The following FILIP1L variants were observed in gnomAD, a reference collection of about 807,000 sequenced individuals.
FILIP1L encodes the protein filamin A interacting protein 1 like.
Under a neutral mutation model 96.6 loss-of-function variants are expected in FILIP1L, and 55 were observed. That is an observed-to-expected ratio of 0.57 (90% CI 0.46 to 0.71). The LOEUF (loss-of-function observed/expected upper bound fraction) is 0.71, where lower values mean the gene tolerates loss of function less well. Among genes scored for constraint, FILIP1L ranks in the 30% least tolerant of loss-of-function variants. The pLI is 0.00. For missense variants in FILIP1L, 1,304 were observed against 1,321.2 expected (o/e 0.99, Z 0.20); for synonymous variants, 467 against 473.9 (o/e 0.99, Z 0.19).
At chr3:99,897,143 G>A (rs1706281397) in intron 4 of FILIP1L, among the ~76,000 whole-genome samples, 1 of 152,112 alleles carries the variant, frequency 6.6e-6, no homozygotes, top group African/African-American at 2.4e-5. Context: ...CAGATCACTT[G>A]AGGCCAGAAG....
At chr3:99,830,685 G>C (rs917783240) in intron 5 of FILIP1L, 80 bp from the exon 6 acceptor site, 16 of 424,752 alleles carry the variant, frequency 3.8e-5, no homozygotes, top group Non-Finnish European at 6.7e-5. Context: ...CATGGAGTCA[G>C]TTTGGAGGAT....
At chr3:99,870,778 A>T (rs1278667428) in intron 4 of FILIP1L, among the ~76,000 whole-genome samples, 1 of 152,232 alleles carries the variant, frequency 6.6e-6, no homozygotes, top group Non-Finnish European at 1.5e-5. Context: ...TTACCCACAG[A>T]AACTTTGGAA....
At chr3:99,940,642 C>G (rs1171108038) in intron 1 of FILIP1L, among the ~76,000 whole-genome samples, 1 of 152,214 alleles carries the variant, frequency 6.6e-6, no homozygotes, top group African/African-American at 2.4e-5. Context: ...TCCTCCAGCT[C>G]TAGGAAGATG....
chr3:100,057,554 C>T (rs911134352), intron 1 of FILIP1L, among the ~76,000 whole-genome samples: 1 of 152,198 alleles, frequency 6.6e-6, no homozygotes, highest in Non-Finnish European at 1.5e-5. Flanking sequence ...CGTGATATGT[C>T]TCTGTAAAAG....
At chr3:99,867,125 A>G (rs1944558440) in intron 4 of FILIP1L, among the ~76,000 whole-genome samples, 1 of 152,224 alleles carries the variant, frequency 6.6e-6, no homozygotes, top group African/African-American at 2.4e-5. Flanking sequence ...AGCAAGGAGT[A>G]ATTCCATCAA....
chr3:99,887,288 G>A (rs1705932936), intron 4 of FILIP1L, among the ~76,000 whole-genome samples: 1 of 152,096 alleles, frequency 6.6e-6, no homozygotes, highest in African/African-American at 2.4e-5. Context: ...AAAGTATCAG[G>A]CTTAGAAATA....
At chr3:99,951,030 G>T (rs1380694656) in intron 1 of FILIP1L, among the ~76,000 whole-genome samples, 1 of 152,166 alleles carries the variant, frequency 6.6e-6, no homozygotes, top group African/African-American at 2.4e-5. Flanking sequence ...TTCACCTCAT[G>T]CCCCTCCCTT....
At chr3:99,930,739 C>T in intron 2 of FILIP1L, 30 bp downstream of exon 2, 1 of 1,607,442 alleles carries the variant, frequency 6.2e-7, no homozygotes, top group Non-Finnish European at 8.5e-7. Context: ...CTGTTTGAAG[C>T]ATGATGGGGA....
intron 5 of FILIP1L, 119 bp downstream of exon 5, chr3:99,848,176 A>G (rs1943453386): frequency 3.3e-6 from 5 of 1,537,506 alleles, no homozygotes; most frequent in Non-Finnish European, 4.4e-6. Flanking sequence ...TTCCCAAAGT[A>G]CGAGTTCAGT....
intron 5 of FILIP1L, among the ~76,000 whole-genome samples, chr3:99,830,962 A>C (rs1942651562): frequency 6.6e-6 from 1 of 152,226 alleles, no homozygotes; most frequent in African/African-American, 2.4e-5. Flanking sequence ...TGTCTTTAAG[A>C]GTGCTTCATG....
chr3:99,925,721 A>C (rs577770133), intron 3 of FILIP1L: 22 of 251,160 alleles, frequency 8.8e-5, no homozygotes, highest in African/African-American at 4.8e-4. Flanking sequence ...CAAGGACATG[A>C]GGAGCTCTTG....
chr3:99,974,445 C>T (rs1354684288), intron 1 of FILIP1L, among the ~76,000 whole-genome samples: 3 of 152,172 alleles, frequency 2.0e-5, no homozygotes. Context: ...CGCAGTGGCT[C>T]ACGCCTGTAA....
chr3:99,847,995 T>G lies in FILIP1L; in HGVS notation c.3381+300A>C, dbSNP rs1229814321. ...TTCACCAAGACAAGTTGCAGTCAAA[T>G]TAAAGTGAGTTATGGAAAATGAAAT... On this transcript the variant is annotated intron_variant, in intron 5 of 5. Coordinates refer to ENST00000477258, the MANE Select transcript of FILIP1L (RefSeq NM_001387850.1). 5 of 1,082,710 alleles carry G rather than the reference T, an allele frequency of 4.6e-6. No homozygotes were observed. The East Asian group carries it at 2.3e-4, about 49-fold the overall frequency. The allele number at this position is 1,082,710 out of a possible 1,614,324, so 67.1% of individuals were successfully genotyped here. A position where few individuals can be genotyped will look rare whatever the true frequency, so the allele number is the denominator to read the frequency against.
chr3:99,971,151 C>T (rs1284797782), intron 1 of FILIP1L, among the ~76,000 whole-genome samples: 1 of 152,158 alleles, frequency 6.6e-6, no homozygotes, highest in Non-Finnish European at 1.5e-5. Context: ...TCCTGGCTAA[C>T]ATGGTGAAAC....
At chr3:100,086,382 A>T (rs2066008409) in intron 1 of FILIP1L, among the ~76,000 whole-genome samples, 1 of 152,158 alleles carries the variant, frequency 6.6e-6, no homozygotes, top group Non-Finnish European at 1.5e-5. Flanking sequence ...AATGTCTTGG[A>T]ATCAGCTGAC....
intron 1 of FILIP1L, among the ~76,000 whole-genome samples, chr3:100,080,165 T>C (rs1197299791): frequency 6.6e-6 from 1 of 152,190 alleles, no homozygotes; most frequent in African/African-American, 2.4e-5. Context: ...ATTTTTTTAA[T>C]AGAGACGGGG....
chr3:99,955,581 C>A (rs1708298118), intron 1 of FILIP1L, among the ~76,000 whole-genome samples: 1 of 152,126 alleles, frequency 6.6e-6, no homozygotes, highest in African/African-American at 2.4e-5. Flanking sequence ...AAGCCAGACA[C>A]TTTTTTACTT....
intron 1 of FILIP1L, among the ~76,000 whole-genome samples, chr3:100,093,861 T>C (rs2066157015): frequency 6.6e-6 from 1 of 152,130 alleles, no homozygotes; most frequent in Admixed American, 6.5e-5. Context: ...TTCTGAAGAG[T>C]TATCTAGGAC....
At chr3:99,905,085 G>A (rs1706570020) in intron 4 of FILIP1L, among the ~76,000 whole-genome samples, 1 of 152,126 alleles carries the variant, frequency 6.6e-6, no homozygotes, top group Admixed American at 6.5e-5. Context: ...ACTCCCACTG[G>A]TCTTTCCAAG....
Sources: gnomAD v4.1 joint callset for allele counts (sites outside exome capture counted in the v4.1 genomes callset) on GRCh38, gnomAD v4.1.1 for gene constraint, MANE v1.5 for transcripts, NCBI Gene and HGNC (gene_info 2026-07-23, HGNC 2026-07-21) for gene names.